GALNT1: variants seen among roughly 807,000 people sequenced by gnomAD.
GALNT1 encodes polypeptide N-acetylgalactosaminyltransferase 1, also known as GalNAc transferase 1.
GALNT1 carries 17 observed loss-of-function variants against 65.7 expected under a neutral mutation model. The ratio of observed to expected loss-of-function variants is 0.26; its 90% confidence interval spans 0.18 to 0.39. GALNT1 has a LOEUF of 0.39. Among genes scored for constraint, GALNT1 ranks in the 10% least tolerant of loss-of-function variants. The pLI, the probability that GALNT1 is intolerant of heterozygous loss-of-function variation, is 1.00. For synonymous variants in GALNT1, 210 were observed against 219.7 expected (o/e 0.96, Z 0.39); for missense variants, 460 against 672.8 (o/e 0.68, Z 3.50).
At chr18:35,703,752 A>G in intron 11 of GALNT1, 109 bp downstream of exon 11, 1 of 1,075,606 alleles carries the variant, frequency 9.3e-7, no homozygotes, top group Non-Finnish European at 1.3e-6. Flanking sequence ...TATGGATCAA[A>G]CTTGTCTTAT....
At chr18:35,667,460 G>T (rs2047565815) in intron 3 of GALNT1, among the ~76,000 whole-genome samples, 1 of 151,932 alleles carries the variant, frequency 6.6e-6, no homozygotes, top group Admixed American at 6.6e-5. Flanking sequence ...TCATAGAAAA[G>T]AAAAATAAAA....
At position 35,614,204 on chromosome 18, in the gene GALNT1, T is replaced by C. The variant is rs747904588; in HGVS notation, c.-104+32342T>C. On this transcript the variant is annotated intron_variant, in intron 1 of 11. Coordinates refer to ENST00000269195, the MANE Select transcript of GALNT1 (RefSeq NM_020474.4). The stretch of plus-strand genomic sequence containing the variant: ...CTAAAGAGCAAAAGACTATCAAAAA[T>C]AATTAGGCAAGTTGAATTCAGCAGT... Among the ~76,000 whole-genome samples the C allele has an allele frequency of 3.3e-5, 5 of 152,162 alleles. No individual in the cohort carries two copies. In the Middle Eastern group the frequency reaches 0.014, roughly 414 times the overall value.
intron 3 of GALNT1, among the ~76,000 whole-genome samples, chr18:35,673,524 TA>T (rs1384507388): frequency 3.9e-5 from 6 of 152,244 alleles, no homozygotes; most frequent in Non-Finnish European, 7.3e-5. Context: ...ATAACATATT[TA>T]AACCTCTTAA....
chr18:35,667,595 T>C (rs1251424584), intron 3 of GALNT1, among the ~76,000 whole-genome samples: 2 of 152,210 alleles, frequency 1.3e-5, no homozygotes, highest in Admixed American at 1.3e-4. Flanking sequence ...ATAGCGTAGG[T>C]GTCAGGATCA....
At chr18:35,692,626 A>G (rs1372613020) in intron 9 of GALNT1, among the ~76,000 whole-genome samples, 1 of 152,072 alleles carries the variant, frequency 6.6e-6, no homozygotes, top group South Asian at 2.1e-4. Context: ...ACCATCTGCA[A>G]TTGTGGATCT....
At chr18:35,671,833 A>C (rs1472704674) in intron 3 of GALNT1, among the ~76,000 whole-genome samples, 1 of 152,168 alleles carries the variant, frequency 6.6e-6, no homozygotes, top group Non-Finnish European at 1.5e-5. Context: ...TGCACATAGT[A>C]TACTTTTGAT....
intron 3 of GALNT1, among the ~76,000 whole-genome samples, chr18:35,676,117 A>C (rs2047706660): frequency 6.6e-6 from 1 of 152,026 alleles, no homozygotes; most frequent in Non-Finnish European, 1.5e-5. Context: ...ACTTAGGAGG[A>C]GGGAGCTGCA....
intron 1 of GALNT1, among the ~76,000 whole-genome samples, chr18:35,653,326 A>G (rs1443573235): frequency 6.6e-6 from 1 of 152,212 alleles, no homozygotes; most frequent in African/African-American, 2.4e-5. Flanking sequence ...CTCTCTAGCA[A>G]CCTTGTGAAG....
At chr18:35,623,831 A>G (rs1466241879) in intron 1 of GALNT1, among the ~76,000 whole-genome samples, 1 of 152,168 alleles carries the variant, frequency 6.6e-6, no homozygotes, top group Non-Finnish European at 1.5e-5. Context: ...GAACATATTT[A>G]TAGTAGGTAC....
chr18:35,583,929 C>T (rs1319241115), intron 1 of GALNT1, among the ~76,000 whole-genome samples: 1 of 152,186 alleles, frequency 6.6e-6, no homozygotes, highest in African/African-American at 2.4e-5. Context: ...GAATCTGAAT[C>T]ACACATTAGT....
intron 1 of GALNT1, among the ~76,000 whole-genome samples, chr18:35,632,943 A>G (rs1055351418): frequency 6.6e-5 from 10 of 152,264 alleles, no homozygotes; most frequent in Non-Finnish European, 1.0e-4. Flanking sequence ...GACACATGAA[A>G]AAATGCTCAT....
intron 3 of GALNT1, among the ~76,000 whole-genome samples, chr18:35,676,037 A>G (rs1233944599): frequency 1.3e-5 from 2 of 152,188 alleles, no homozygotes; most frequent in African/African-American, 2.4e-5. Flanking sequence ...CAGAAGTATT[A>G]TTAGGACTGC....
At chr18:35,679,338 CTTTG>C (rs1366964356) in intron 4 of GALNT1, among the ~76,000 whole-genome samples, 2 of 152,112 alleles carry the variant, frequency 1.3e-5, no homozygotes, top group African/African-American at 2.4e-5. Context: ...TCATTTCCTC[CTTTG>C]TTTTTCTCTC....
At chr18:35,622,241 CTTTTTT>C (rs2046862340) in intron 1 of GALNT1, among the ~76,000 whole-genome samples, 1 of 151,518 alleles carries the variant, frequency 6.6e-6, no homozygotes, top group African/African-American at 2.4e-5. Flanking sequence ...TCTTCTTTTT[CTTTTTT>C]TAATATTATT....
chr18:35,665,507 C>A (rs1005008879), intron 3 of GALNT1, among the ~76,000 whole-genome samples: 6 of 152,092 alleles, frequency 3.9e-5, no homozygotes, highest in African/African-American at 1.4e-4. Flanking sequence ...AAGAGCCCAC[C>A]AACTTTTTGG....
chr18:35,632,688 A>T (rs1439657993), intron 1 of GALNT1, among the ~76,000 whole-genome samples: 3 of 152,238 alleles, frequency 2.0e-5, no homozygotes, highest in Admixed American at 2.0e-4. Flanking sequence ...ACAAAAGACA[A>T]AATTGACAAA....
chr18:35,602,393 T>C (rs2046593063), intron 1 of GALNT1, among the ~76,000 whole-genome samples: 1 of 152,192 alleles, frequency 6.6e-6, no homozygotes, highest in African/African-American at 2.4e-5. Context: ...TGTATCTGTG[T>C]ATTTATATCT....
chr18:35,654,042 C>T (rs893366080), intron 1 of GALNT1, among the ~76,000 whole-genome samples: 2 of 152,200 alleles, frequency 1.3e-5, no homozygotes, highest in Non-Finnish European at 2.9e-5. Flanking sequence ...ATTCTTGAGC[C>T]TGGGTACTGA....
At position 35,649,710 on chromosome 18, in the gene GALNT1, A is replaced by T. The variant is rs111446794; in HGVS notation, c.-103-4850A>T. Among the ~76,000 whole-genome samples, 970 of 152,246 alleles carry T rather than the reference A, an allele frequency of 6.4e-3. 18 individuals are homozygous for T. Among genetic ancestry groups the T allele is most frequent in the African/African-American group, 0.022 (920 of 41,524 alleles). On this transcript the variant is annotated intron_variant, in intron 1 of 11. Coordinates refer to ENST00000269195, the MANE Select transcript of GALNT1 (RefSeq NM_020474.4). Reference sequence around the variant, plus strand: ...AAAAGATTTTATTCTGTTTTATTCCAGATCTAGTTCAAAAATTTGAGTTAA... The same window carrying T: ...AAAAGATTTTATTCTGTTTTATTCCTGATCTAGTTCAAAAATTTGAGTTAA...
Sources: allele counts gnomAD v4.1 joint callset (sites outside exome capture counted in the v4.1 genomes callset), GRCh38; gene constraint gnomAD v4.1.1; transcripts MANE v1.5; gene names NCBI Gene and HGNC (gene_info 2026-07-23, HGNC 2026-07-21).